The following SLC12A6 variants were observed in gnomAD, a reference collection of about 807,000 sequenced individuals.
SLC12A6 encodes solute carrier family 12 member 6, also known as K-Cl cotransporter 3.
A neutral mutation model predicts 135.3 loss-of-function variants in SLC12A6; 66 were observed. The observed-to-expected ratio is 0.49, with a 90% CI of 0.40 to 0.60. SLC12A6 has a LOEUF of 0.60. Among genes scored for constraint, SLC12A6 ranks in the 20% least tolerant of loss-of-function variants. The pLI, the probability that SLC12A6 is intolerant of heterozygous loss-of-function variation, is 0.00. For missense variants in SLC12A6, 1,058 were observed against 1,452.3 expected (o/e 0.73, Z 4.41); for synonymous variants, 513 against 508.8 (o/e 1.01, Z -0.11).
intron 2 of SLC12A6, chr15:34,314,734 T>C (rs992011488): frequency 6.6e-6 from 1 of 152,660 alleles, no homozygotes; most frequent in Non-Finnish European, 1.5e-5. Context: ...ATTAGGCTGG[T>C]GAGTGCAATG....
chr15:34,317,291 A>T (rs1339603523), intron 2 of SLC12A6, among the ~76,000 whole-genome samples: 2 of 152,248 alleles, frequency 1.3e-5, no homozygotes, highest in African/African-American at 4.8e-5. Context: ...TTCAAACAAG[A>T]TTCATAAAAA....
intron 5 of SLC12A6, among the ~76,000 whole-genome samples, chr15:34,258,021 T>A (rs1892871117): frequency 6.6e-6 from 1 of 152,076 alleles, no homozygotes; most frequent in African/African-American, 2.4e-5. Flanking sequence ...TTCCTGCATG[T>A]GTTTATTATA....
chr15:34,301,093 T>C (rs1020296752), intron 2 of SLC12A6, among the ~76,000 whole-genome samples: 2 of 152,074 alleles, frequency 1.3e-5, no homozygotes, highest in African/African-American at 2.4e-5. Flanking sequence ...CTCAGCCTCC[T>C]GAATAGCTGG....
chr15:34,264,383 C>T (rs906502998), intron 3 of SLC12A6, among the ~76,000 whole-genome samples: 14 of 151,996 alleles, frequency 9.2e-5, no homozygotes, highest in South Asian at 2.1e-4. Context: ...AATCAAGCCT[C>T]GAAATCTAAC....
chr15:34,286,277 T>C (rs1001450263), intron 2 of SLC12A6, among the ~76,000 whole-genome samples: 12 of 151,532 alleles, frequency 7.9e-5, no homozygotes, highest in African/African-American at 2.9e-4. Context: ...GGTTTCACCA[T>C]ATTGTCCAGG....
intron 13 of SLC12A6, among the ~76,000 whole-genome samples, chr15:34,249,355 C>A (rs1283076864): frequency 6.6e-6 from 1 of 151,644 alleles, no homozygotes; most frequent in Non-Finnish European, 1.5e-5. Context: ...ATCCCAGGAG[C>A]TTCAGACCAT....
chr15:34,252,323 T>C lies in SLC12A6; in HGVS notation c.1180A>G (p.Lys394Glu). 6.2e-7 allele frequency: 1 copy of C among 1,613,398 alleles called. No homozygotes were observed. Among genetic ancestry groups the C allele is most frequent in the Non-Finnish European group, 8.5e-7 (1 of 1,179,382 alleles). Reference sequence around the variant, plus strand: ...GGGACTGTCATGTTGTTAATTTCCTTGGTCTTAGAGCAAACGTCAATGTGT... The same window carrying C: ...GGGACTGTCATGTTGTTAATTTCCTCGGTCTTAGAGCAAACGTCAATGTGT... ...SRHIDVCSKT[K>E]EINNMTVPSK... Residue 394 changes from lysine to glutamate, a missense_variant, in exon 10 of 26, where the codon AAG (lysine) becomes GAG (glutamate). By Grantham distance (56) the Lys-to-Glu change is moderately conservative. Around this residue, in one of 6 missense-constraint regions of SLC12A6, gnomAD observed 297 missense variants for 318.5 expected, o/e 0.93. Transcript: ENST00000354181.
chr15:34,336,070 T>A (rs144147484), intron 2 of SLC12A6, among the ~76,000 whole-genome samples: 14 of 152,358 alleles, frequency 9.2e-5, no homozygotes, highest in Non-Finnish European at 1.9e-4. Context: ...CACTAAATTT[T>A]AAAATTTAGG....
chr15:34,327,146 T>C (rs1889521775), intron 2 of SLC12A6, among the ~76,000 whole-genome samples: 2 of 151,980 alleles, frequency 1.3e-5, no homozygotes, highest in African/African-American at 4.8e-5. Context: ...ATAAAATGAC[T>C]TTTTAAAAAA....
intron 2 of SLC12A6, among the ~76,000 whole-genome samples, chr15:34,310,821 C>T (rs1275110164): frequency 2.4e-5 from 3 of 126,046 alleles, no homozygotes; most frequent in African/African-American, 3.1e-5. Context: ...TGTGTGTGTC[C>T]CGTGTCCAGG....
intron 2 of SLC12A6, among the ~76,000 whole-genome samples, chr15:34,331,145 T>A (rs973135396): frequency 1.3e-5 from 2 of 152,182 alleles, no homozygotes; most frequent in Non-Finnish European, 2.9e-5. Context: ...GATAATTTTG[T>A]TTTTTGTTAG....
chr15:34,269,646 T>C (rs1158941853), intron 3 of SLC12A6, among the ~76,000 whole-genome samples: 1 of 152,258 alleles, frequency 6.6e-6, no homozygotes, highest in Non-Finnish European at 1.5e-5. Context: ...AAGGAAACCA[T>C]GTCATTTGTC....
chr15:34,292,804 G>A (rs1243083873), intron 2 of SLC12A6, among the ~76,000 whole-genome samples: 1 of 152,222 alleles, frequency 6.6e-6, no homozygotes, highest in Non-Finnish European at 1.5e-5. Flanking sequence ...CTCCGTGGGT[G>A]TGGGACCTGC....
chr15:34,281,273 C>T lies in SLC12A6; in HGVS notation c.272-5884G>A, dbSNP rs540643611. Among the ~76,000 whole-genome samples the T allele has an allele frequency of 2.0e-5, 3 of 152,082 alleles. No homozygotes were observed. The East Asian group carries it at 5.8e-4, about 29-fold the overall frequency. On this transcript the variant is annotated intron_variant, in intron 2 of 25. Coordinates refer to ENST00000354181, the MANE Select transcript of SLC12A6 (RefSeq NM_001365088.1). ...TAATTACATTGATCTGATCACTATA[C>T]TTTAATAGGTATTGAAAAAAAGATG...
chr15:34,334,567 A>C (rs896607621), intron 2 of SLC12A6, among the ~76,000 whole-genome samples: 1 of 152,034 alleles, frequency 6.6e-6, no homozygotes, highest in African/African-American at 2.4e-5. Context: ...TAAATATAGA[A>C]AGAAAAAAAA....
chr15:34,270,979 C>T (rs148055457), intron 3 of SLC12A6, among the ~76,000 whole-genome samples: 3 of 151,948 alleles, frequency 2.0e-5, no homozygotes, highest in South Asian at 4.2e-4. Flanking sequence ...AGGGGAAATG[C>T]GTGATGCTTA....
intron 9 of SLC12A6, among the ~76,000 whole-genome samples, chr15:34,254,033 C>T (rs1347519170): frequency 6.6e-6 from 1 of 151,938 alleles, no homozygotes. Context: ...TCTGCAAAGC[C>T]CTTTATGAAT....
intron 25 of SLC12A6, 25 bp from the exon 26 acceptor site, chr15:34,233,997 G>A (rs117864565): frequency 3.3e-6 from 4 of 1,229,624 alleles, no homozygotes; most frequent in Non-Finnish European, 3.6e-6. Context: ...AAGGAGACAG[G>A]CAAAAGAAGA....
chr15:34,292,866 G>A (rs1308803385), intron 2 of SLC12A6, among the ~76,000 whole-genome samples: 2 of 152,180 alleles, frequency 1.3e-5, no homozygotes, highest in Non-Finnish European at 2.9e-5. Context: ...GAAGACTGTG[G>A]GAAAAGCGCA....
Sources: gnomAD v4.1 joint callset for allele counts (sites outside exome capture counted in the v4.1 genomes callset) on GRCh38, gnomAD v4.1.1 for gene constraint, gnomAD v4.1.1 regional missense constraint, MANE v1.5 for transcripts, NCBI Gene and HGNC (gene_info 2026-07-23, HGNC 2026-07-21) for gene names.